Variants in CFAP61 observed in about 807,000 individuals in gnomAD.
CFAP61 encodes the protein cilia- and flagella-associated protein 61.
Under a neutral mutation model 135.6 loss-of-function variants are expected in CFAP61, and 107 were observed. The ratio of observed to expected loss-of-function variants is 0.79; its 90% CI spans 0.67 to 0.93. The LOEUF is 0.93. Among genes scored for constraint, CFAP61 ranks in the 40% least tolerant of loss-of-function variants. The probability of loss-of-function intolerance (pLI) is 0.00; values close to 1 mark genes in which losing one functional copy is unlikely to be tolerated. For synonymous variants in CFAP61, 575 were observed against 578.5 expected (o/e 0.99, Z 0.09); for missense variants, 1,507 against 1,556.2 (o/e 0.97, Z 0.53).
At chr20:20,172,384 A>G in intron 13 of CFAP61, 1 of 645,228 alleles carries the variant, frequency 1.5e-6, no homozygotes, top group South Asian at 7.0e-5. Flanking sequence ...TGGCACAATC[A>G]TGGCTCGCTG....
Position 20,315,963 on chromosome 20 carries a change from A to G in CFAP61, c.3422+17577A>G, listed in dbSNP as rs530048273. Among the ~76,000 whole-genome samples, 32 of 152,296 alleles carry G rather than the reference A, an allele frequency of 2.1e-4. No individual in the cohort carries two copies. In the East Asian group the frequency reaches 5.2e-3, roughly 25 times the overall value. On this transcript the variant is annotated intron_variant, in intron 25 of 26. Coordinates refer to ENST00000245957, the MANE Select transcript of CFAP61 (RefSeq NM_015585.4). ...TAGCCTTGTAGTATAGTTTGAAGTC[A>G]GGTAGTGTGATTCCTCCAGCTTTGT...
At chr20:20,355,059 G>GAGGGAAGGTGGTCACACTGTGAA (rs2059024600) in intron 26 of CFAP61, among the ~76,000 whole-genome samples, 1 of 148,170 alleles carries the variant, frequency 6.7e-6, no homozygotes, top group Non-Finnish European at 1.5e-5. Context: ...CACACTGTGA[G>GAGGGAAGGTGGTCACACTGTGAA]AGGGAAGGTG....
At position 20,070,886 on chromosome 20, in the gene CFAP61, A is replaced by G. The variant is rs771493333; in HGVS notation, c.176A>G (p.Asn59Ser). The G allele has an allele frequency of 1.9e-6, 3 of 1,614,006 alleles. No homozygotes were observed. Among genetic ancestry groups the G allele is most frequent in the Non-Finnish European group, 2.5e-6 (3 of 1,179,944 alleles). The change falls in exon 3 of 27, where the codon AAT (asparagine) becomes AGT (serine). Residue 59 changes from asparagine (N) to serine (S), a missense_variant. Coordinates refer to ENST00000245957, the MANE Select transcript of CFAP61 (RefSeq NM_015585.4). ...EKANLAVTLCNDKEEIMAQAT... is the reference protein window; with the variant it reads ...EKANLAVTLCSDKEEIMAQAT... Reference sequence around the variant, plus strand: ...GCCAACCTTGCTGTTACCCTCTGCAATGACAAGGAGGAGATCATGGCCCAG... The same window carrying G: ...GCCAACCTTGCTGTTACCCTCTGCAGTGACAAGGAGGAGATCATGGCCCAG...
At chr20:20,114,559 C>A (rs2049010083) in intron 8 of CFAP61, among the ~76,000 whole-genome samples, 1 of 152,034 alleles carries the variant, frequency 6.6e-6, no homozygotes. Flanking sequence ...TTTTAAAAAT[C>A]ATTTTTCAAA....
chr20:20,235,244 T>C (rs1282299244), intron 18 of CFAP61, among the ~76,000 whole-genome samples: 1 of 152,086 alleles, frequency 6.6e-6, no homozygotes, highest in Non-Finnish European at 1.5e-5. Flanking sequence ...GAAACTTACA[T>C]TAAACTCTCC....
chr20:20,054,719 G>C (rs2044161413), intron 1 of CFAP61, among the ~76,000 whole-genome samples: 4 of 152,132 alleles, frequency 2.6e-5, no homozygotes, highest in Admixed American at 2.0e-4. Context: ...CGTGCTACTG[G>C]CTTCTAATGT....
chr20:20,354,609 G>A (rs924158343), intron 26 of CFAP61, among the ~76,000 whole-genome samples: 18 of 152,214 alleles, frequency 1.2e-4, no homozygotes, highest in African/African-American at 4.3e-4. Flanking sequence ...GGGGAGGAAG[G>A]GGTGGTCATA....
intron 2 of CFAP61, among the ~76,000 whole-genome samples, chr20:20,064,413 A>G (rs2045082649): frequency 6.6e-6 from 1 of 152,088 alleles, no homozygotes. Context: ...AGCATGTCTG[A>G]ATTACCAGCG....
At chr20:20,192,389 G>GTA (rs1404723161) in intron 15 of CFAP61, among the ~76,000 whole-genome samples, 1 of 152,078 alleles carries the variant, frequency 6.6e-6, no homozygotes, top group African/African-American at 2.4e-5. Context: ...AGCATTATGG[G>GTA]TACCTTTGCC....
rs529021618 is a variant in CFAP61, at chr20:20,275,206, C to T, written c.2504-1960C>T. Reference sequence around the variant, plus strand: ...CAGGATGAAACACACATGGTGCAAACAAACCCAGCCACAACCTAGAGCCAG... The same window carrying T: ...CAGGATGAAACACACATGGTGCAAATAAACCCAGCCACAACCTAGAGCCAG... On this transcript the variant is annotated intron_variant, in intron 21 of 26. Transcript: ENST00000245957. Among the ~76,000 whole-genome samples the T allele has an allele frequency of 1.1e-4, 17 of 152,336 alleles. 1 individual carries two copies. The East Asian group carries it at 3.3e-3, about 29-fold the overall frequency.
At chr20:20,188,638 A>G (rs1379167423) in intron 14 of CFAP61, among the ~76,000 whole-genome samples, 1 of 152,210 alleles carries the variant, frequency 6.6e-6, no homozygotes, top group East Asian at 1.9e-4. Context: ...GCAGTCTGTA[A>G]ATTAATACTG....
At chr20:20,120,457 T>C (rs1284658060) in intron 8 of CFAP61, among the ~76,000 whole-genome samples, 3 of 152,202 alleles carry the variant, frequency 2.0e-5, no homozygotes, top group Non-Finnish European at 4.4e-5. Context: ...TTTTATTGAT[T>C]TCTAGTTTTA....
chr20:20,252,886 A>G (rs1325302246), intron 20 of CFAP61, among the ~76,000 whole-genome samples: 1 of 152,242 alleles, frequency 6.6e-6, no homozygotes. Flanking sequence ...TTGAAAACAC[A>G]TCCATGCCTA....
intron 8 of CFAP61, among the ~76,000 whole-genome samples, chr20:20,110,916 G>A (rs531969764): frequency 8.5e-5 from 13 of 152,228 alleles, no homozygotes; most frequent in African/African-American, 2.6e-4. Flanking sequence ...TCAAGGTTCC[G>A]GGCAGTCAGA....
chr20:20,322,731 C>T (rs1370767593), intron 25 of CFAP61: 20 of 985,038 alleles, frequency 2.0e-5, no homozygotes, highest in Non-Finnish European at 2.3e-5. Flanking sequence ...TGTGGCCTCT[C>T]GAGAACAGAA....
At chr20:20,083,397 A>C (rs1234111387) in intron 6 of CFAP61, among the ~76,000 whole-genome samples, 1 of 152,160 alleles carries the variant, frequency 6.6e-6, no homozygotes, top group African/African-American at 2.4e-5. Context: ...TACAGTGTAC[A>C]CTGCTCAGGT....
At chr20:20,251,514 C>A in intron 19 of CFAP61, 81 bp from the exon 20 acceptor site, 1 of 1,404,474 alleles carries the variant, frequency 7.1e-7, no homozygotes, top group Non-Finnish European at 9.9e-7. Flanking sequence ...CACTAGGGGA[C>A]TTGAACCAGC....
At chr20:20,345,447 T>G (rs2058592928) in intron 26 of CFAP61, among the ~76,000 whole-genome samples, 1 of 152,196 alleles carries the variant, frequency 6.6e-6, no homozygotes, top group Non-Finnish European at 1.5e-5. Flanking sequence ...TGTAAACCAT[T>G]TTATTTCACC....
At chr20:20,246,325 G>C (rs1048534224) in intron 19 of CFAP61, 110 bp downstream of exon 19, 19 of 766,828 alleles carry the variant, frequency 2.5e-5, no homozygotes, top group Non-Finnish European at 4.1e-5. Flanking sequence ...AAGTGGTGGG[G>C]CTTTTCTACT....
Sources: allele counts gnomAD v4.1 joint callset (sites outside exome capture counted in the v4.1 genomes callset), GRCh38; gene constraint gnomAD v4.1.1; transcripts MANE v1.5; gene names NCBI Gene and HGNC (gene_info 2026-07-23, HGNC 2026-07-21).